DCDC2: variants seen among roughly 807,000 people sequenced by gnomAD.
DCDC2 encodes doublecortin domain containing 2, also known as doublecortin domain-containing protein 2.
A neutral mutation model predicts 50.2 loss-of-function variants in DCDC2; 40 were observed. The observed-to-expected ratio is 0.80, with a 90% confidence interval of 0.62 to 1.04. DCDC2 has a LOEUF of 1.04. DCDC2 is among the 50% of genes least tolerant of loss of function. The probability of loss-of-function intolerance (pLI) is 0.00; values close to 1 mark genes in which losing one functional copy is unlikely to be tolerated. For missense variants in DCDC2, 570 were observed against 581.9 expected (o/e 0.98, Z 0.21); for synonymous variants, 234 against 210.6 (o/e 1.11, Z -0.96).
chr6:24,367,346 C>A, the DCDC2 span, among the ~76,000 whole-genome samples: 13 of 152,198 alleles, frequency 8.5e-5, no homozygotes, highest in African/African-American at 3.1e-4. Context: ...TAGGGCCTCC[C>A]AAGGTGAAGA....
At chr6:24,186,784 T>C (rs187512700) in intron 8 of DCDC2, among the ~76,000 whole-genome samples, 1 of 152,318 alleles carries the variant, frequency 6.6e-6, no homozygotes, top group East Asian at 1.9e-4. Flanking sequence ...ATCTTCTCAC[T>C]TTTGGGGGCT....
intron 8 of DCDC2, among the ~76,000 whole-genome samples, chr6:24,179,953 C>CAAAAAAAAAA (rs56376644): frequency 1.2e-5 from 1 of 85,984 alleles, no homozygotes; most frequent in Non-Finnish European, 2.1e-5. Context: ...GACTCCATCT[C>CAAAAAAAAAA]AAAAAAAAAA....
At chr6:24,348,026 G>C (rs527462619) in intron 2 of DCDC2, among the ~76,000 whole-genome samples, 10 of 152,200 alleles carry the variant, frequency 6.6e-5, no homozygotes, top group Non-Finnish European at 1.2e-4. Context: ...ACCTCCTAGA[G>C]ACCACAATCT....
intron 7 of DCDC2, among the ~76,000 whole-genome samples, chr6:24,267,246 G>A (rs1328458082): frequency 1.3e-5 from 2 of 151,910 alleles, no homozygotes; most frequent in Non-Finnish European, 2.9e-5. Context: ...TTGTCAACAG[G>A]GTGATTATAG....
At chr6:24,379,361 C>A in the DCDC2 span, among the ~76,000 whole-genome samples, 1 of 151,992 alleles carries the variant, frequency 6.6e-6, no homozygotes, top group Non-Finnish European at 1.5e-5. Context: ...ACAAACAACC[C>A]CATCAAAAAG....
intron 7 of DCDC2, among the ~76,000 whole-genome samples, chr6:24,224,070 G>GAA (rs11347981): frequency 2.2e-4 from 33 of 148,114 alleles, no homozygotes; most frequent in African/African-American, 8.1e-4. Flanking sequence ...TCTCAAGACA[G>GAA]AAAAAAAAAA....
At chr6:24,339,773 G>A (rs1760122748) in intron 2 of DCDC2, among the ~76,000 whole-genome samples, 1 of 152,140 alleles carries the variant, frequency 6.6e-6, no homozygotes, top group Non-Finnish European at 1.5e-5. Context: ...ATTGTTACAG[G>A]TTAAAATGTG....
At chr6:24,284,682 C>A (rs1304767698) in intron 6 of DCDC2, among the ~76,000 whole-genome samples, 1 of 151,858 alleles carries the variant, frequency 6.6e-6, no homozygotes, top group South Asian at 2.1e-4. Context: ...CAAATGGCAC[C>A]CCATCAAGAA....
chr6:24,319,275 A>G (rs1010163594), intron 2 of DCDC2, among the ~76,000 whole-genome samples: 1 of 120,148 alleles, frequency 8.3e-6, no homozygotes, highest in Non-Finnish European at 1.8e-5. Flanking sequence ...TTTTAATGAA[A>G]TTATTTGTGG....
intron 7 of DCDC2, among the ~76,000 whole-genome samples, chr6:24,213,223 A>G (rs968652352): frequency 1.6e-4 from 24 of 152,288 alleles, no homozygotes; most frequent in African/African-American, 5.8e-4. Flanking sequence ...TAAGAAGAAA[A>G]CTAATATCAT....
At chr6:24,337,669 G>A (rs558742196) in intron 2 of DCDC2, among the ~76,000 whole-genome samples, 28 of 151,956 alleles carry the variant, frequency 1.8e-4, no homozygotes, top group East Asian at 5.8e-4. Context: ...GTGGTGATGC[G>A]TGCCTGTGAT....
chr6:24,382,394 C>T, the DCDC2 span, among the ~76,000 whole-genome samples: 1 of 151,964 alleles, frequency 6.6e-6, no homozygotes, highest in Non-Finnish European at 1.5e-5. Context: ...GTACATTAGT[C>T]AGAAGCAATG....
At chr6:24,307,332 C>G (rs1278290823) in intron 2 of DCDC2, among the ~76,000 whole-genome samples, 1 of 152,104 alleles carries the variant, frequency 6.6e-6, no homozygotes, top group Non-Finnish European at 1.5e-5. Flanking sequence ...CTTGGAAGAA[C>G]TGATTATAGA....
intron 2 of DCDC2, chr6:24,353,180 C>A (rs1760403698): frequency 4.8e-6 from 2 of 413,732 alleles, no homozygotes; most frequent in Admixed American, 3.1e-5. Flanking sequence ...GTTAGGGTGA[C>A]CCTGGCTACA....
At chr6:24,322,662 C>A (rs909587389) in intron 2 of DCDC2, among the ~76,000 whole-genome samples, 5 of 152,172 alleles carry the variant, frequency 3.3e-5, no homozygotes, top group Admixed American at 3.3e-4. Context: ...CCGGAACATT[C>A]TTTTCTATTG....
At chr6:24,210,042 GTGTGTGTGTGTGTC>G (rs1761827731) in intron 7 of DCDC2, among the ~76,000 whole-genome samples, 2 of 145,854 alleles carry the variant, frequency 1.4e-5, no homozygotes, top group South Asian at 2.1e-4. Flanking sequence ...GTGTGTGTGT[GTGTGTGTGTGTGTC>G]TGTCTGTCTG....
At chr6:24,359,444 AGT>A (rs1561789654), upstream of DCDC2, among the ~76,000 whole-genome samples, 3 of 67,986 alleles carry the variant, frequency 4.4e-5, no homozygotes, top group African/African-American at 1.3e-4. Context: ...TATACTATAT[AGT>A]ATATATATTT....
the DCDC2 span, among the ~76,000 whole-genome samples, chr6:24,383,179 A>T: frequency 6.6e-6 from 1 of 151,800 alleles, no homozygotes; most frequent in African/African-American, 2.4e-5. Flanking sequence ...ATACAAAATT[A>T]CCTGGGCGTG....
intron 2 of DCDC2, among the ~76,000 whole-genome samples, chr6:24,317,677 C>CA (rs894648637): frequency 1.3e-5 from 2 of 151,274 alleles, no homozygotes; most frequent in Admixed American, 6.6e-5. Flanking sequence ...TTTTCCATGA[C>CA]AAAAAAAGCA....
Sources: allele counts gnomAD v4.1 joint callset (sites outside exome capture counted in the v4.1 genomes callset), GRCh38; gene constraint gnomAD v4.1.1; transcripts MANE v1.5; gene names NCBI Gene and HGNC (gene_info 2026-07-23, HGNC 2026-07-21).